PATJ: variants seen among roughly 807,000 people sequenced by gnomAD.
PATJ encodes inaD-like protein.
A neutral mutation model predicts 224.9 loss-of-function variants in PATJ; 190 were observed. The observed-to-expected ratio is 0.84, with a 90% CI of 0.75 to 0.95. The LOEUF (loss-of-function observed/expected upper bound fraction) is 0.95, where lower values mean the gene tolerates loss of function less well. Ranked by LOEUF, PATJ falls within the 40% of genes least tolerant of loss-of-function variation. The probability of loss-of-function intolerance (pLI) is 0.00; values close to 1 mark genes in which losing one functional copy is unlikely to be tolerated. For missense variants in PATJ, 2,121 were observed against 2,270.3 expected, an observed-to-expected ratio of 0.93 and a Z score of 1.34; for synonymous variants, 769 against 820.3, an observed-to-expected ratio of 0.94 and a Z score of 1.07.
chr1:61,859,531 GTCTCTCTC>G (rs139509799), intron 18 of PATJ, among the ~76,000 whole-genome samples: 2 of 150,220 alleles, frequency 1.3e-5, no homozygotes, highest in Non-Finnish European at 3.0e-5. Flanking sequence ...TCTCTGAGGT[GTCTCTCTC>G]TCTCTCTCTC....
At chr1:61,924,547 G>C (rs984218758) in intron 26 of PATJ, among the ~76,000 whole-genome samples, 3 of 152,124 alleles carry the variant, frequency 2.0e-5, no homozygotes, top group African/African-American at 7.2e-5. Context: ...TTGTGAAAAA[G>C]AGATTCTTAA....
At chr1:61,967,654 A>G (rs906050374) in intron 27 of PATJ, among the ~76,000 whole-genome samples, 4 of 152,230 alleles carry the variant, frequency 2.6e-5, no homozygotes, top group African/African-American at 7.2e-5. Flanking sequence ...CTGTTGCAGT[A>G]TTAAATGAGA....
At position 62,117,148 on chromosome 1, in the gene PATJ, T is replaced by C. The variant is rs1558191752; in HGVS notation, c.4820T>C (p.Val1607Ala). ...CTTTCCAAGTGTGCACAGGGACTTG[T>C]GCAGCTAGAGATTGGAAGACTCCGA... ...ATILKCAQGL[V>A]QLEIGRLRAG... The change falls in exon 37 of 44, where the codon GTG becomes GCG. Residue 1607 changes from valine (V) to alanine (A), a missense_variant. Transcript: ENST00000642238. 1 of 1,613,914 alleles carries C rather than the reference T, an allele frequency of 6.2e-7. No individual in the cohort carries two copies.
chr1:61,985,184 T>C (rs1005662804), intron 27 of PATJ, among the ~76,000 whole-genome samples: 1 of 152,008 alleles, frequency 6.6e-6, no homozygotes, highest in African/African-American at 2.4e-5. Flanking sequence ...CGGTGGCGCA[T>C]GCCTATAGTC....
At chr1:61,867,256 A>C (rs1455807341) in intron 20 of PATJ, among the ~76,000 whole-genome samples, 2 of 152,188 alleles carry the variant, frequency 1.3e-5, no homozygotes, top group Non-Finnish European at 2.9e-5. Context: ...ATTGTTTGTT[A>C]AAGTGTTCTT....
chr1:61,845,613 C>T (rs1342976022), intron 17 of PATJ, among the ~76,000 whole-genome samples: 1 of 152,100 alleles, frequency 6.6e-6, no homozygotes, highest in East Asian at 1.9e-4. Flanking sequence ...AGCAGGACTC[C>T]TTGGCCTTTT....
At chr1:61,807,718 TC>T (rs1321440982) in intron 13 of PATJ, among the ~76,000 whole-genome samples, 1 of 152,212 alleles carries the variant, frequency 6.6e-6, no homozygotes, top group African/African-American at 2.4e-5. Flanking sequence ...TAAAAAACTT[TC>T]TTACAGGATC....
chr1:61,939,659 TA>T, intron 27 of PATJ, among the ~76,000 whole-genome samples: 1 of 135,164 alleles, frequency 7.4e-6, no homozygotes, highest in Non-Finnish European at 1.6e-5. Flanking sequence ...GCAGCATGTA[TA>T]AAAAGTTTCT....
intron 5 of PATJ, 82 bp from the exon 6 acceptor site, chr1:61,771,349 C>A: frequency 1.3e-6 from 1 of 746,496 alleles, no homozygotes. Flanking sequence ...GTACCATAGG[C>A]AACAAACTGC....
intron 20 of PATJ, among the ~76,000 whole-genome samples, chr1:61,866,501 C>A (rs10157116): frequency 0.7 from 106,388 of 152,036 alleles, 38,075 homozygotes; most frequent in East Asian, 0.88. Context: ...ACTTTTTGAT[C>A]GTTTAACACA....
intron 9 of PATJ, 103 bp downstream of exon 9, chr1:61,791,550 A>G: frequency 4.2e-6 from 3 of 721,660 alleles, no homozygotes; most frequent in Non-Finnish European, 4.6e-6. Flanking sequence ...AATCTTGAAC[A>G]ATAAAACCAT....
chr1:62,018,430 G>C lies in PATJ; in HGVS notation c.3959+483G>C, dbSNP rs1014934264. ...CCTAGAGTTGTGTTGTGTGTTTGGGGCTTCACATTTACTCAGACCTCCCTG... is the reference window on the plus strand; with the variant it reads ...CCTAGAGTTGTGTTGTGTGTTTGGGCCTTCACATTTACTCAGACCTCCCTG... On this transcript the variant is annotated intron_variant, in intron 29 of 43. Transcript: ENST00000642238. This position sits in a 1 kb window ranked among gnomAD's most constrained non-coding sequence, Gnocchi z 4.2. Among the ~76,000 whole-genome samples the C allele has an allele frequency of 6.6e-6, 1 of 152,188 alleles. No individual in the cohort carries two copies. Among genetic ancestry groups the C allele is most frequent in the East Asian group, 1.9e-4 (1 of 5,198 alleles).
At chr1:61,841,201 G>T (rs1224206956) in intron 17 of PATJ, among the ~76,000 whole-genome samples, 2 of 151,662 alleles carry the variant, frequency 1.3e-5, no homozygotes, top group Non-Finnish European at 2.9e-5. Context: ...TTTTAATCTT[G>T]TTTTACTTTT....
Position 61,885,317 on chromosome 1 carries a change from C to T in PATJ, c.3131+909C>T, listed in dbSNP as rs1668660177. 1.3e-5 allele frequency among the ~76,000 whole-genome samples: 2 copies of T among 152,208 alleles called. 1 individual carries two copies. The highest frequency in any genetic ancestry group is 4.1e-4 in the South Asian group (2 of 4,820). ...TAATATCCAGAATCTACAATGAACT[C>T]AAACAAATTTACAAGAAAAACACAA... is the stretch of plus-strand genomic sequence containing the variant. On this transcript the variant is annotated intron_variant, in intron 22 of 43. Transcript: ENST00000642238.
rs1381598692 is a variant in PATJ at position 62,163,559 on chromosome 1, G to A, written c.*2505G>A. On this transcript the variant is annotated 3_prime_UTR_variant, in exon 44 of 44. Coordinates refer to ENST00000642238, the MANE Select transcript of PATJ (RefSeq NM_001350145.3). ...ATCCTTTTAGGTCGTGCTAGTAAAA[G>A]TATATTGATGAAGGAATTATGATGC... 6.6e-6 allele frequency: 1 copy of A among 152,526 alleles called. No homozygotes were observed. The highest frequency in any genetic ancestry group is 1.5e-5 in the Non-Finnish European group (1 of 68,018). The allele number at this position is 152,526 out of a possible 1,614,324, so 9.4% of individuals were successfully genotyped here. A position where few individuals can be genotyped will look rare whatever the true frequency, so the allele number is the denominator to read the frequency against.
chr1:62,150,211 G>A lies in PATJ; in HGVS notation c.5378+1821G>A, dbSNP rs76694041. Among the ~76,000 whole-genome samples the A allele has an allele frequency of 6.2e-3, 943 of 152,186 alleles. 10 individuals are homozygous for A. Among genetic ancestry groups the A allele is most frequent in the African/African-American group, 0.021 (873 of 41,516 alleles). On this transcript the variant is annotated intron_variant, in intron 42 of 43. Coordinates refer to ENST00000642238, the MANE Select transcript of PATJ (RefSeq NM_001350145.3). ...ATGAGTCATAATCATTCACCTATAG[G>A]GGGCAATTCATCAGTATCTCAACAG...
intron 30 of PATJ, 101 bp downstream of exon 30, chr1:62,038,150 A>C: frequency 4.2e-6 from 3 of 709,694 alleles, no homozygotes; most frequent in Non-Finnish European, 4.5e-6. Context: ...GGTATTCCAA[A>C]CTCGTGGAAA....
chr1:62,146,164 G>A (rs747256054), intron 41 of PATJ, among the ~76,000 whole-genome samples: 17 of 152,128 alleles, frequency 1.1e-4, no homozygotes, highest in Non-Finnish European at 1.9e-4. Context: ...AAGGCACAGC[G>A]GTTAAAGTGC....
At chr1:62,134,366 A>C in intron 41 of PATJ, among the ~76,000 whole-genome samples, 1 of 102,124 alleles carries the variant, frequency 9.8e-6, no homozygotes, top group South Asian at 3.3e-4. Context: ...ACTTTTTGAG[A>C]CTGAGTTTTG....
Sources: allele counts gnomAD v4.1 joint callset (sites outside exome capture counted in the v4.1 genomes callset), GRCh38; gene constraint gnomAD v4.1.1; non-coding constraint Gnocchi (gnomAD v3.1); transcripts MANE v1.5; gene names NCBI Gene and HGNC (gene_info 2026-07-23, HGNC 2026-07-21).